The following VAV3 variants were observed in gnomAD, a reference collection of about 807,000 sequenced individuals.
VAV3 encodes the protein vav guanine nucleotide exchange factor 3.
Under a neutral mutation model 131.2 loss-of-function variants are expected in VAV3, and 94 were observed. The ratio of observed to expected loss-of-function variants is 0.72; its 90% CI spans 0.61 to 0.85. The LOEUF (loss-of-function observed/expected upper bound fraction) is 0.85. Among genes scored for constraint, VAV3 ranks in the 40% least tolerant of loss-of-function variants. The pLI, the probability that VAV3 is intolerant of heterozygous loss-of-function variation, is 0.00. For synonymous variants in VAV3, 349 were observed against 342.0 expected, an observed-to-expected ratio of 1.02 and a Z score of -0.22; for missense variants, 939 against 1,002.7, an observed-to-expected ratio of 0.94 and a Z score of 0.86.
rs1051494271 is a variant in VAV3, at chr1:107,911,836, C to T, written c.205-36819G>A. Among the ~76,000 whole-genome samples the T allele has an allele frequency of 3.0e-4, 45 of 152,300 alleles. 1 individual carries two copies. Among genetic ancestry groups the T allele is most frequent in the South Asian group, 8.3e-4 (4 of 4,820 alleles). On this transcript the variant is annotated intron_variant, in intron 1 of 26. Coordinates refer to ENST00000370056, the MANE Select transcript of VAV3 (RefSeq NM_006113.5). Reference sequence around the variant, plus strand: ...CTCTGACCCACAAATTTAGCACAGACAATTGGACAGGTCCTTTAGATTCCT... The same window carrying T: ...CTCTGACCCACAAATTTAGCACAGATAATTGGACAGGTCCTTTAGATTCCT...
chr1:107,904,303 G>C (rs2101097551), intron 1 of VAV3, among the ~76,000 whole-genome samples: 1 of 152,276 alleles, frequency 6.6e-6, no homozygotes, highest in Middle Eastern at 3.4e-3. Flanking sequence ...TACGTATGAT[G>C]TGACTGAATG....
rs149640497 is a variant in VAV3 at position 107,728,282 on chromosome 1, A to G, written c.1502+20686T>C. On this transcript the variant is annotated intron_variant, in intron 15 of 26. Transcript: ENST00000370056. ...TACTCACTAACACAAGATCTGTTCT[A>G]AATGAAGAGGAATCACCAGGGATTA... Among the ~76,000 whole-genome samples the G allele has an allele frequency of 5.7e-3, 867 of 152,240 alleles. 5 individuals carry two copies. The highest frequency in any genetic ancestry group is 0.016 in the African/African-American group (658 of 41,554).
intron 1 of VAV3, among the ~76,000 whole-genome samples, chr1:107,910,263 A>T (rs1672304694): frequency 6.6e-6 from 1 of 152,194 alleles, no homozygotes; most frequent in South Asian, 2.1e-4. Context: ...AAGAACATAA[A>T]AGCAAAAATA....
chr1:107,790,552 C>A (rs183134226), intron 2 of VAV3, among the ~76,000 whole-genome samples: 78 of 152,276 alleles, frequency 5.1e-4, no homozygotes, highest in Non-Finnish European at 9.3e-4. Flanking sequence ...CAGGTAAGTT[C>A]TCTGAGGGAC....
intron 25 of VAV3, among the ~76,000 whole-genome samples, chr1:107,577,086 A>C (rs1412070345): frequency 1.3e-5 from 2 of 152,232 alleles, no homozygotes; most frequent in Non-Finnish European, 2.9e-5. Context: ...GGATGCTCTA[A>C]AACTTTCATT....
At chr1:107,585,358 T>C (rs142074929) in intron 25 of VAV3, among the ~76,000 whole-genome samples, 3 of 152,190 alleles carry the variant, frequency 2.0e-5, no homozygotes, top group Admixed American at 6.5e-5. Flanking sequence ...TCTATTTTCA[T>C]GGTTTTTTTT....
intron 8 of VAV3, 24 bp downstream of exon 8, chr1:107,766,423 C>A (rs370276914): frequency 1.3e-6 from 2 of 1,536,348 alleles, no homozygotes; most frequent in Non-Finnish European, 1.8e-6. Context: ...CTAAGACCCA[C>A]AAAACTTAAA....
At chr1:107,747,489 A>G (rs1261483706) in intron 15 of VAV3, among the ~76,000 whole-genome samples, 2 of 152,244 alleles carry the variant, frequency 1.3e-5, no homozygotes, top group Non-Finnish European at 1.5e-5. Flanking sequence ...AAAAAGAAAA[A>G]ATAGTATACT....
chr1:107,785,141 T>G (rs1168338900), intron 2 of VAV3, among the ~76,000 whole-genome samples: 1 of 152,206 alleles, frequency 6.6e-6, no homozygotes, highest in African/African-American at 2.4e-5. Flanking sequence ...TTCGGGCAAA[T>G]GTCCACTCTT....
intron 26 of VAV3, among the ~76,000 whole-genome samples, chr1:107,573,708 C>T (rs751968191): frequency 6.6e-6 from 1 of 152,180 alleles, no homozygotes; most frequent in Non-Finnish European, 1.5e-5. Context: ...TTCCAATTTA[C>T]ATCAGCAGTT....
chr1:107,887,210 T>A (rs1408788448), intron 1 of VAV3, among the ~76,000 whole-genome samples: 1 of 152,244 alleles, frequency 6.6e-6, no homozygotes, highest in African/African-American at 2.4e-5. Flanking sequence ...CCATGAGGAC[T>A]GCGCTCTTAC....
At chr1:107,736,373 G>A (rs1425700099) in intron 15 of VAV3, among the ~76,000 whole-genome samples, 1 of 152,134 alleles carries the variant, frequency 6.6e-6, no homozygotes. Flanking sequence ...TCAGGCAGGA[G>A]AAAGAAATAA....
intron 15 of VAV3, among the ~76,000 whole-genome samples, chr1:107,730,751 T>C (rs917923990): frequency 6.6e-6 from 1 of 152,178 alleles, no homozygotes; most frequent in Non-Finnish European, 1.5e-5. Context: ...CTCTAAATCA[T>C]ATTTTTCATC....
chr1:107,632,464 A>G (rs979718064), intron 20 of VAV3, among the ~76,000 whole-genome samples: 3 of 152,180 alleles, frequency 2.0e-5, no homozygotes, highest in Admixed American at 1.3e-4. Context: ...CTACAGATAC[A>G]TGACTTGAAT....
At chr1:107,603,478 GAA>G (rs1236630029) in intron 22 of VAV3, among the ~76,000 whole-genome samples, 1 of 152,044 alleles carries the variant, frequency 6.6e-6, no homozygotes, top group Admixed American at 6.6e-5. Context: ...GGACAGGAAG[GAA>G]AAAGACTTGT....
intron 1 of VAV3, among the ~76,000 whole-genome samples, chr1:107,897,070 G>T (rs564485037): frequency 6.6e-6 from 1 of 151,936 alleles, no homozygotes; most frequent in Admixed American, 6.5e-5. Flanking sequence ...GCAACACAAG[G>T]AGCCGGAGCA....
chr1:107,744,049 C>A (rs1309412779), intron 15 of VAV3, among the ~76,000 whole-genome samples: 1 of 152,146 alleles, frequency 6.6e-6, no homozygotes. Flanking sequence ...TGCTCCATCC[C>A]AACAGTGAAG....
chr1:107,743,994 G>A (rs1179796643), intron 15 of VAV3, among the ~76,000 whole-genome samples: 3 of 152,220 alleles, frequency 2.0e-5, no homozygotes, highest in Non-Finnish European at 4.4e-5. Context: ...CTGTGCCTCA[G>A]ATTAAATGTG....
At chr1:107,650,353 T>C (rs1656062195) in intron 19 of VAV3, among the ~76,000 whole-genome samples, 1 of 151,916 alleles carries the variant, frequency 6.6e-6, no homozygotes, top group Admixed American at 6.6e-5. Context: ...AATATTCAGC[T>C]CATCCACCAA....
Sources: allele counts gnomAD v4.1 joint callset (sites outside exome capture counted in the v4.1 genomes callset), GRCh38; gene constraint gnomAD v4.1.1; transcripts MANE v1.5; gene names NCBI Gene and HGNC (gene_info 2026-07-23, HGNC 2026-07-21).